The following PCSK2 variants were observed in gnomAD, a reference collection of about 807,000 sequenced individuals.
PCSK2 encodes the protein neuroendocrine convertase 2.
A neutral mutation model predicts 69.7 loss-of-function variants in PCSK2; 14 were observed. The ratio of observed to expected loss-of-function variants is 0.20; its 90% CI spans 0.13 to 0.31. PCSK2 has a LOEUF of 0.31. Among genes scored for constraint, PCSK2 ranks in the 10% least tolerant of loss-of-function variants. The pLI is 1.00. For missense variants in PCSK2, 544 were observed against 842.5 expected (o/e 0.65, Z 4.39); for synonymous variants, 307 against 320.7 (o/e 0.96, Z 0.46).
chr20:17,447,468 T>C (rs906017262), intron 8 of PCSK2, among the ~76,000 whole-genome samples: 22 of 152,174 alleles, frequency 1.4e-4, no homozygotes. Flanking sequence ...GGCAAAACTA[T>C]TTTTAAGAAA....
At chr20:17,429,592 A>T in intron 7 of PCSK2, 69 bp downstream of exon 7, 1 of 1,031,090 alleles carries the variant, frequency 9.7e-7, no homozygotes, top group Non-Finnish European at 1.4e-6. Context: ...ACTGTGGCCC[A>T]GCAAAAAATC....
intron 6 of PCSK2, among the ~76,000 whole-genome samples, chr20:17,421,037 C>T (rs976887076): frequency 6.6e-6 from 1 of 152,136 alleles, no homozygotes; most frequent in Non-Finnish European, 1.5e-5. Context: ...TAGCATTCAC[C>T]CACCTTTCTC....
chr20:17,480,880 G>A (rs1214304653), intron 11 of PCSK2, among the ~76,000 whole-genome samples: 3 of 152,162 alleles, frequency 2.0e-5, no homozygotes, highest in Admixed American at 6.6e-5. Flanking sequence ...CCTTTGGGCC[G>A]CCCTGCACGC....
chr20:17,310,094 A>AG (rs1039612123), intron 2 of PCSK2, among the ~76,000 whole-genome samples: 4 of 151,844 alleles, frequency 2.6e-5, no homozygotes, highest in African/African-American at 4.8e-5. Context: ...AGAAAGAGCA[A>AG]GGGGGGAGGT....
intron 5 of PCSK2, among the ~76,000 whole-genome samples, chr20:17,378,583 G>A (rs2030995071): frequency 6.9e-6 from 1 of 144,560 alleles, no homozygotes; most frequent in South Asian, 2.2e-4. Flanking sequence ...AATTATGGAT[G>A]GATGGACGGA....
At chr20:17,398,735 T>C (rs2031569820) in intron 5 of PCSK2, among the ~76,000 whole-genome samples, 1 of 151,658 alleles carries the variant, frequency 6.6e-6, no homozygotes, top group African/African-American at 2.4e-5. Flanking sequence ...CAAAAGAGGT[T>C]CTGTTGGGTT....
intron 2 of PCSK2, among the ~76,000 whole-genome samples, chr20:17,318,007 G>T (rs1432388288): frequency 6.6e-6 from 1 of 152,196 alleles, no homozygotes; most frequent in African/African-American, 2.4e-5. Flanking sequence ...CTCTTAAAAT[G>T]TATGTGTCAT....
chr20:17,277,906 G>A lies in PCSK2; in HGVS notation c.282+17562G>A, dbSNP rs879460066. On this transcript the variant is annotated intron_variant, in intron 2 of 11. Transcript: ENST00000262545. ...CAAACAACCCCATCAAAAAGTGGGC[G>A]AAGGATATGAACAGACACTTCTCAA... Among the ~76,000 whole-genome samples, 617 of 152,044 alleles carry A rather than the reference G, an allele frequency of 4.1e-3. 3 individuals are homozygous for A. Among genetic ancestry groups the A allele is most frequent in the African/African-American group, 0.014 (569 of 41,464 alleles).
chr20:17,453,744 C>T lies in PCSK2; in HGVS notation c.888C>T (p.Gly296=), dbSNP rs529149179. 1.9e-6 allele frequency: 3 copies of T among 1,612,760 alleles called. No homozygotes were observed. Among genetic ancestry groups the T allele is most frequent in the African/African-American group, 1.3e-5 (1 of 74,950 alleles). ...LQAMADGVNK[G]RGGKGSIYVW... is the part of the protein sequence containing the mutation. ...AGCGTCTCCCCTGCTCTCCCCAGGG[C>T]CGCGGCGGCAAAGGCAGCATCTACG... is the stretch of plus-strand genomic sequence containing the variant. Residue 296 remains glycine (G), a splice_region_variant and synonymous_variant, in exon 9 of 12, where the codon GGC becomes GGT. Transcript: ENST00000262545. This position sits in a 1 kb window ranked among gnomAD's most constrained non-coding sequence, Gnocchi z 4.0.
At chr20:17,315,082 A>T (rs115308578) in intron 2 of PCSK2, among the ~76,000 whole-genome samples, 11,860 of 152,094 alleles carry the variant, frequency 0.078, 657 homozygotes, top group South Asian at 0.28. Context: ...CCCCGAGAAA[A>T]CCCTGCGGCT....
intron 2 of PCSK2, among the ~76,000 whole-genome samples, chr20:17,334,510 G>A (rs1450990937): frequency 1.3e-5 from 2 of 152,164 alleles, no homozygotes; most frequent in African/African-American, 4.8e-5. Flanking sequence ...AGCGATCAGA[G>A]CGGATTCTTA....
chr20:17,431,833 C>A (rs184677568), intron 7 of PCSK2, among the ~76,000 whole-genome samples: 2 of 152,330 alleles, frequency 1.3e-5, no homozygotes, highest in African/African-American at 4.8e-5. Flanking sequence ...GCTGGCAATT[C>A]CAAAAGTTGG....
chr20:17,423,585 C>T (rs573158540), intron 6 of PCSK2, among the ~76,000 whole-genome samples: 1 of 151,898 alleles, frequency 6.6e-6, no homozygotes, highest in Admixed American at 6.6e-5. Flanking sequence ...AGCCACTAAA[C>T]CACATGGAAA....
intron 5 of PCSK2, among the ~76,000 whole-genome samples, chr20:17,377,131 A>G (rs2030950135): frequency 6.6e-6 from 1 of 152,248 alleles, no homozygotes; most frequent in African/African-American, 2.4e-5. Context: ...AATAACTACA[A>G]GCTATTTCTT....
At chr20:17,422,009 T>C (rs933886592) in intron 6 of PCSK2, among the ~76,000 whole-genome samples, 2 of 152,134 alleles carry the variant, frequency 1.3e-5, no homozygotes, top group Non-Finnish European at 2.9e-5. Context: ...TTTAGTTTGT[T>C]CAGAGTGATA....
At chr20:17,268,485 T>C (rs1039448110) in intron 2 of PCSK2, among the ~76,000 whole-genome samples, 12 of 152,028 alleles carry the variant, frequency 7.9e-5, no homozygotes, top group African/African-American at 2.9e-4. Context: ...AGGAAGGTAT[T>C]CATGTGGATA....
chr20:17,391,893 A>G (rs113627403), intron 5 of PCSK2, among the ~76,000 whole-genome samples: 17,523 of 83,976 alleles, frequency 0.21, 1,134 homozygotes, highest in African/African-American at 0.26. Flanking sequence ...AGAAAGAGAG[A>G]GAGAAAGAGA....
Position 17,314,308 on chromosome 20 carries a change from G to A in PCSK2, c.283-44019G>A, listed in dbSNP as rs192510025. On this transcript the variant is annotated intron_variant, in intron 2 of 11. Transcript: ENST00000262545. ...CTTTGCAATATCAGGAAAAACCAGAGCCAGGCTTGAAAATAATGCTGAGAC... is the reference window on the plus strand; with the variant it reads ...CTTTGCAATATCAGGAAAAACCAGAACCAGGCTTGAAAATAATGCTGAGAC... Among the ~76,000 whole-genome samples, 10 of 152,252 alleles carry A rather than the reference G, an allele frequency of 6.6e-5. No homozygotes were observed. In the East Asian group the frequency reaches 1.9e-3, roughly 29 times the overall value.
In PCSK2 at chr20:17,265,111, G is replaced by A. The variant is rs530234423; in HGVS notation, c.282+4767G>A. On this transcript the variant is annotated intron_variant, in intron 2 of 11. Coordinates refer to ENST00000262545, the MANE Select transcript of PCSK2 (RefSeq NM_002594.5). The stretch of plus-strand genomic sequence containing the variant: ...ACTCCTGACATCGGGTGATCCACCC[G>A]CCTTGGCCTCCCAAAATGCTGGAAA... 1.1e-4 allele frequency among the ~76,000 whole-genome samples: 16 copies of A among 152,200 alleles called. No homozygotes were observed. In the South Asian group the frequency reaches 2.5e-3, roughly 24 times the overall value.
Sources: allele counts gnomAD v4.1 joint callset (sites outside exome capture counted in the v4.1 genomes callset), GRCh38; gene constraint gnomAD v4.1.1; non-coding constraint Gnocchi (gnomAD v3.1); transcripts MANE v1.5; gene names NCBI Gene and HGNC (gene_info 2026-07-23, HGNC 2026-07-21).